Variants in THSD7B observed in about 807,000 individuals in gnomAD.
THSD7B encodes the protein thrombospondin type 1 domain containing 7B.
THSD7B carries 138 observed loss-of-function variants against 213.6 expected under a neutral mutation model. The observed-to-expected ratio is 0.65, with a 90% CI of 0.56 to 0.74. THSD7B has a LOEUF of 0.74. Among genes scored for constraint, THSD7B ranks in the 30% least tolerant of loss-of-function variants. The pLI, the probability that THSD7B is intolerant of heterozygous loss-of-function variation, is 0.00. For synonymous variants in THSD7B, 742 were observed against 687.0 expected (o/e 1.08, Z -1.25); for missense variants, 1,931 against 1,991.5 (o/e 0.97, Z 0.58).
intron 15 of THSD7B, among the ~76,000 whole-genome samples, chr2:137,560,118 G>A (rs1356689873): frequency 6.6e-6 from 1 of 152,162 alleles, no homozygotes; most frequent in Non-Finnish European, 1.5e-5. Context: ...TGGTGGGACT[G>A]TAAACTGGTT....
In THSD7B at chr2:136,792,525, A is replaced by G. The variant is rs117442195; in HGVS notation, c.-36+26838A>G. 1.2e-4 allele frequency among the ~76,000 whole-genome samples: 18 copies of G among 152,126 alleles called. No homozygotes were observed. The East Asian group carries it at 3.5e-3, about 29-fold the overall frequency. Reference sequence around the variant, plus strand: ...GGTGTAAACGATGGGCTTCTGGGTGATGGTCTCGTGCCAATGCAAGTTTAT... The same window carrying G: ...GGTGTAAACGATGGGCTTCTGGGTGGTGGTCTCGTGCCAATGCAAGTTTAT... On this transcript the variant is annotated intron_variant, in intron 1 of 27. Coordinates refer to ENST00000409968, the MANE Select transcript of THSD7B (RefSeq NM_001316349.2).
chr2:137,190,360 G>C (rs1461092273), intron 7 of THSD7B, among the ~76,000 whole-genome samples: 1 of 152,100 alleles, frequency 6.6e-6, no homozygotes, highest in Non-Finnish European at 1.5e-5. Context: ...TGTGCAAGTG[G>C]CTTGAAGAAC....
chr2:137,546,381 ATATAT>A lies in THSD7B; in HGVS notation c.3139-16834_3139-16830del, dbSNP rs1680714817. Among the ~76,000 whole-genome samples the A allele has an allele frequency of 1.2e-4, 4 of 34,218 alleles. No homozygotes were observed. The South Asian group carries it at 2.6e-3, about 22-fold the overall frequency. The allele number at this position is 34,218 out of a possible 152,430, so 22.4% of individuals were successfully genotyped here. A position where few individuals can be genotyped will look rare whatever the true frequency, so the allele number is the denominator to read the frequency against. On this transcript the variant is annotated intron_variant, in intron 15 of 27. Coordinates refer to ENST00000409968, the MANE Select transcript of THSD7B (RefSeq NM_001316349.2). ...TATATATTATATATATATATAATATATATATTATATATATTATATATATTATATAT... is the reference window on the plus strand; with the variant it reads ...TATATATTATATATATATATAATATATATATATATTATATATATTATATAT...
At chr2:137,075,756 G>C (rs1687607482) in intron 3 of THSD7B, among the ~76,000 whole-genome samples, 1 of 152,116 alleles carries the variant, frequency 6.6e-6, no homozygotes, top group South Asian at 2.1e-4. Context: ...ACATACAGAT[G>C]GGTTTTTGGT....
chr2:137,009,348 T>C (rs1045862289), intron 2 of THSD7B, among the ~76,000 whole-genome samples: 11 of 152,204 alleles, frequency 7.2e-5, no homozygotes, highest in African/African-American at 2.2e-4. Context: ...TCATTGACTC[T>C]TTGAACCAGA....
intron 2 of THSD7B, among the ~76,000 whole-genome samples, chr2:136,902,024 T>C (rs1040907619): frequency 2.0e-5 from 3 of 152,228 alleles, no homozygotes; most frequent in African/African-American, 7.2e-5. Context: ...GTAGAGTATA[T>C]GTCACTGATA....
At chr2:137,483,587 T>C (rs1229185551) in intron 15 of THSD7B, among the ~76,000 whole-genome samples, 1 of 152,206 alleles carries the variant, frequency 6.6e-6, no homozygotes, top group Non-Finnish European at 1.5e-5. Context: ...TTATTTTATT[T>C]TATTTTATTT....
In THSD7B at chr2:137,365,364, T is replaced by C. The variant is rs181622645; in HGVS notation, c.2501-40249T>C. Among the ~76,000 whole-genome samples, 199 of 152,200 alleles carry C rather than the reference T, an allele frequency of 1.3e-3. 5 individuals are homozygous for C. The highest frequency in any genetic ancestry group is 9.0e-3 in the Admixed American group (138 of 15,284). ...TTCATGACCAAAACACCAAAAGCAA[T>C]GGCAACAAAAGCCAAAATTGACAAA... is the stretch of plus-strand genomic sequence containing the variant. On this transcript the variant is annotated intron_variant, in intron 12 of 27. Transcript: ENST00000409968.
intron 6 of THSD7B, among the ~76,000 whole-genome samples, chr2:137,164,122 C>A (rs190088932): frequency 6.6e-6 from 1 of 151,942 alleles, no homozygotes; most frequent in Non-Finnish European, 1.5e-5. Flanking sequence ...AGTGCCAGTA[C>A]GTTGTCATTG....
intron 15 of THSD7B, among the ~76,000 whole-genome samples, chr2:137,471,467 C>T (rs1311366225): frequency 7.2e-5 from 11 of 151,962 alleles, no homozygotes; most frequent in Admixed American, 6.6e-4. Flanking sequence ...CACGTGGTGC[C>T]ATAGGAAGAG....
chr2:137,218,511 G>C (rs891586157), intron 7 of THSD7B, among the ~76,000 whole-genome samples: 9 of 147,582 alleles, frequency 6.1e-5, no homozygotes, highest in Non-Finnish European at 1.3e-4. Flanking sequence ...TGGTAGGTGA[G>C]TTTGGGGAAG....
chr2:136,961,381 G>A (rs13432187), intron 2 of THSD7B, among the ~76,000 whole-genome samples: 12,320 of 151,230 alleles, frequency 0.081, 635 homozygotes, highest in East Asian at 0.21. Context: ...CACCATGCCC[G>A]GCTAATTTTT....
At chr2:137,310,314 G>A (rs1305543564) in intron 12 of THSD7B, among the ~76,000 whole-genome samples, 1 of 148,424 alleles carries the variant, frequency 6.7e-6, no homozygotes, top group Non-Finnish European at 1.5e-5. Flanking sequence ...TTTGAGAAGT[G>A]TCTGTTCATG....
chr2:137,281,316 A>G (rs1021956779), intron 12 of THSD7B, among the ~76,000 whole-genome samples: 1 of 152,080 alleles, frequency 6.6e-6, no homozygotes, highest in Non-Finnish European at 1.5e-5. Flanking sequence ...GAGCAAAATA[A>G]TTCACTTTCA....
intron 3 of THSD7B, among the ~76,000 whole-genome samples, chr2:137,091,399 A>G (rs992394783): frequency 2.0e-5 from 3 of 152,222 alleles, no homozygotes; most frequent in Non-Finnish European, 4.4e-5. Flanking sequence ...TTCTAAAAAC[A>G]TACACAAGTT....
chr2:136,847,953 A>G (rs954165311), intron 1 of THSD7B, among the ~76,000 whole-genome samples: 4 of 152,150 alleles, frequency 2.6e-5, no homozygotes, highest in African/African-American at 9.7e-5. Flanking sequence ...TCCAGTGTGC[A>G]TTTAAAGGTT....
chr2:137,572,077 T>C (rs1457769221), intron 16 of THSD7B, among the ~76,000 whole-genome samples: 2 of 152,190 alleles, frequency 1.3e-5, no homozygotes, highest in African/African-American at 4.8e-5. Context: ...AAAAAGAATA[T>C]GCACTCAGTG....
chr2:137,572,777 C>CAGTT (rs1488895488), intron 17 of THSD7B, among the ~76,000 whole-genome samples: 1 of 152,098 alleles, frequency 6.6e-6, no homozygotes, highest in Non-Finnish European at 1.5e-5. Context: ...GCCTTTATCA[C>CAGTT]AGTTACATGA....
rs113265916 is a variant in THSD7B at position 136,972,500 on chromosome 2, A to G, written c.140-83920A>G. Among the ~76,000 whole-genome samples, 17 of 152,312 alleles carry G rather than the reference A, an allele frequency of 1.1e-4. No individual in the cohort carries two copies. The East Asian group carries it at 2.7e-3, about 24-fold the overall frequency. On this transcript the variant is annotated intron_variant, in intron 2 of 27. Coordinates refer to ENST00000409968, the MANE Select transcript of THSD7B (RefSeq NM_001316349.2). Reference sequence around the variant, plus strand: ...TGTATGTATTTGATAAAAATGTTACATAGAAAATAAAACCACAAATATTAA... The same window carrying G: ...TGTATGTATTTGATAAAAATGTTACGTAGAAAATAAAACCACAAATATTAA...
Sources: gnomAD v4.1 joint callset for allele counts (sites outside exome capture counted in the v4.1 genomes callset) on GRCh38, gnomAD v4.1.1 for gene constraint, MANE v1.5 for transcripts, NCBI Gene and HGNC (gene_info 2026-07-23, HGNC 2026-07-21) for gene names.